Variants in DOCK1 observed in about 807,000 individuals in gnomAD.
DOCK1 encodes the protein dedicator of cytokinesis 1, also known as dedicator of cytokinesis protein 1.
Under a neutral mutation model 262.7 loss-of-function variants are expected in DOCK1, and 138 were observed. The observed-to-expected ratio is 0.53, with a 90% CI of 0.46 to 0.61. The LOEUF is 0.61. DOCK1 is among the 20% of genes least tolerant of loss of function. The pLI is 0.00. For synonymous variants in DOCK1, 866 were observed against 867.4 expected, an observed-to-expected ratio of 1.00 and a Z score of 0.03; for missense variants, 1,908 against 2,370.7, an observed-to-expected ratio of 0.80 and a Z score of 4.05.
chr10:127,433,977 G>A (rs11592954), intron 48 of DOCK1, among the ~76,000 whole-genome samples: 3,560 of 152,030 alleles, frequency 0.023, 60 homozygotes, highest in Middle Eastern at 0.058. Flanking sequence ...GGTGCAGTCC[G>A]GGCTGGCCAA....
chr10:127,229,179 G>A (rs992670540), intron 27 of DOCK1, among the ~76,000 whole-genome samples: 2 of 152,132 alleles, frequency 1.3e-5, no homozygotes, highest in African/African-American at 4.8e-5. Context: ...AGCCGAGATC[G>A]CATCACTGCA....
At chr10:127,450,378 G>A (rs7920092) in intron 51 of DOCK1, among the ~76,000 whole-genome samples, 80,391 of 152,024 alleles carry the variant, frequency 0.53, 21,776 homozygotes, top group Middle Eastern at 0.69. Flanking sequence ...TAAGTTAGAC[G>A]ATAGTGTTCT....
In DOCK1 at chr10:127,175,510, C is replaced by G. The variant is rs781623674; in HGVS notation, c.2847+47746C>G. On this transcript the variant is annotated intron_variant, in intron 27 of 51. Coordinates refer to ENST00000623213, the MANE Select transcript of DOCK1 (RefSeq NM_001290223.2). This position sits in a 1 kb window ranked among gnomAD's most constrained non-coding sequence, Gnocchi z 6.3. The stretch of plus-strand genomic sequence containing the variant: ...GCAGTTTCCGAGGGCGCCTGGAGCC[C>G]GTTGAGATGTGTGGCTCTCCTCCGC... 1 of 1,609,058 alleles carries G rather than the reference C, an allele frequency of 6.2e-7. No homozygotes were observed.
intron 29 of DOCK1, among the ~76,000 whole-genome samples, chr10:127,263,265 G>C (rs1207967724): frequency 1.1e-5 from 1 of 87,086 alleles, no homozygotes; most frequent in Non-Finnish European, 2.4e-5. Flanking sequence ...CGTCTCCCTA[G>C]CATTGTCATA....
chr10:127,190,703 T>C (rs1159980967), intron 27 of DOCK1, among the ~76,000 whole-genome samples: 1 of 102,562 alleles, frequency 9.8e-6, no homozygotes, highest in Non-Finnish European at 1.9e-5. Flanking sequence ...GGCTCCCAGA[T>C]TTCTGTTGCC....
chr10:127,334,913 A>C (rs1156417835), intron 29 of DOCK1, among the ~76,000 whole-genome samples: 1 of 152,176 alleles, frequency 6.6e-6, no homozygotes, highest in African/African-American at 2.4e-5. Context: ...TTGCATAAGA[A>C]GAACCTGAAG....
chr10:127,340,380 A>T (rs78156552), intron 30 of DOCK1, among the ~76,000 whole-genome samples: 4,030 of 152,164 alleles, frequency 0.026, 83 homozygotes, highest in Non-Finnish European at 0.041. Context: ...TTCAGCATTT[A>T]TATGGGCCTG....
chr10:126,949,515 C>T (rs2035991316), intron 1 of DOCK1, among the ~76,000 whole-genome samples: 1 of 152,204 alleles, frequency 6.6e-6, no homozygotes, highest in East Asian at 1.9e-4. Flanking sequence ...ATTCCTTTTT[C>T]CCAGGGCATC....
At chr10:127,223,459 T>C (rs927122723) in intron 27 of DOCK1, among the ~76,000 whole-genome samples, 4 of 152,150 alleles carry the variant, frequency 2.6e-5, no homozygotes, top group African/African-American at 7.2e-5. Context: ...AATTGGAAAA[T>C]TCGAAATCGG....
At chr10:126,984,439 C>T (rs2039207276) in intron 4 of DOCK1, among the ~76,000 whole-genome samples, 1 of 152,256 alleles carries the variant, frequency 6.6e-6, no homozygotes, top group African/African-American at 2.4e-5. Flanking sequence ...CCTCTGCCTC[C>T]AGGTTCAAGT....
intron 27 of DOCK1, among the ~76,000 whole-genome samples, chr10:127,199,132 G>T (rs995338416): frequency 2.6e-5 from 4 of 152,048 alleles, no homozygotes; most frequent in Admixed American, 2.6e-4. Flanking sequence ...TTTTGCTTAA[G>T]ATTTTTGTTG....
rs1234846949 is a variant in DOCK1 at position 127,062,486 on chromosome 10, T to C, written c.2445+710T>C. On this transcript the variant is annotated intron_variant, in intron 23 of 51. Coordinates refer to ENST00000623213, the MANE Select transcript of DOCK1 (RefSeq NM_001290223.2). ...TGCATTGCTACAGAACACTGGACTT[T>C]ATTCTTCTTATCTAGCTGTAGCTTT... Among the ~76,000 whole-genome samples the C allele has an allele frequency of 2.6e-5, 4 of 152,338 alleles. No individual in the cohort carries two copies. In the South Asian group the frequency reaches 6.2e-4, roughly 24 times the overall value.
intron 25 of DOCK1, among the ~76,000 whole-genome samples, chr10:127,110,777 C>G (rs1365443064): frequency 6.6e-6 from 1 of 152,190 alleles, no homozygotes; most frequent in African/African-American, 2.4e-5. Flanking sequence ...TCTTCAAATC[C>G]TACTCAAAGT....
chr10:127,323,021 C>T (rs1288824180), intron 29 of DOCK1, among the ~76,000 whole-genome samples: 1 of 152,160 alleles, frequency 6.6e-6, no homozygotes, highest in African/African-American at 2.4e-5. Flanking sequence ...CCTTGTGCTC[C>T]CCAGTCTGTT....
intron 10 of DOCK1, among the ~76,000 whole-genome samples, chr10:127,002,958 C>T (rs2040700559): frequency 1.3e-5 from 2 of 152,256 alleles, no homozygotes; most frequent in Admixed American, 1.3e-4. Context: ...GGCTTCTCCT[C>T]ACTGCTCTGC....
intron 27 of DOCK1, among the ~76,000 whole-genome samples, chr10:127,177,492 C>T (rs2055273754): frequency 6.6e-6 from 1 of 152,234 alleles, no homozygotes; most frequent in African/African-American, 2.4e-5. Flanking sequence ...TGAGGCTTCG[C>T]CTTTTCCCCC....
At chr10:127,216,437 A>T (rs1010083963) in intron 27 of DOCK1, among the ~76,000 whole-genome samples, 3 of 152,128 alleles carry the variant, frequency 2.0e-5, no homozygotes, top group African/African-American at 7.2e-5. Context: ...TATTGCTGGG[A>T]AGACCACTCC....
intron 29 of DOCK1, among the ~76,000 whole-genome samples, chr10:127,304,074 G>A (rs1477516584): frequency 7.2e-5 from 11 of 152,150 alleles, no homozygotes; most frequent in Admixed American, 7.2e-4. Context: ...AGTGGAAAGA[G>A]CACTGGGCTG....
At chr10:127,166,082 C>T (rs1467905671) in intron 27 of DOCK1, among the ~76,000 whole-genome samples, 1 of 151,920 alleles carries the variant, frequency 6.6e-6, no homozygotes, top group African/African-American at 2.4e-5. Flanking sequence ...TATTTATTTT[C>T]TGAGACAGAG....
Sources: gnomAD v4.1 joint callset for allele counts (sites outside exome capture counted in the v4.1 genomes callset) on GRCh38, gnomAD v4.1.1 for gene constraint, Gnocchi (gnomAD v3.1) non-coding constraint, MANE v1.5 for transcripts, NCBI Gene and HGNC (gene_info 2026-07-23, HGNC 2026-07-21) for gene names.